The following DNA2 variants were observed in gnomAD, a reference collection of about 807,000 sequenced individuals.
The protein encoded by DNA2 is DNA replication ATP-dependent helicase/nuclease DNA2.
A neutral mutation model predicts 119.1 loss-of-function variants in DNA2; 101 were observed. The ratio of observed to expected loss-of-function variants is 0.85; its 90% CI spans 0.72 to 1.00. The LOEUF is 1.00. Ranked by LOEUF, DNA2 falls within the 50% of genes least tolerant of loss-of-function variation. The probability of loss-of-function intolerance (pLI) is 0.00; values close to 1 mark genes in which losing one functional copy is unlikely to be tolerated. For synonymous variants in DNA2, 366 were observed against 424.4 expected, an observed-to-expected ratio of 0.86 and a Z score of 1.69; for missense variants, 1,121 against 1,255.5, an observed-to-expected ratio of 0.89 and a Z score of 1.62.
At chr10:68,451,667 C>T (rs1167963865) in intron 5 of DNA2, among the ~76,000 whole-genome samples, 1 of 151,842 alleles carries the variant, frequency 6.6e-6, no homozygotes, top group Non-Finnish European at 1.5e-5. Context: ...TAGAATAATT[C>T]TAGTGGTTAG....
intron 2 of DNA2, among the ~76,000 whole-genome samples, chr10:68,469,390 C>CAAAAAA (rs71019005): frequency 1.6e-4 from 12 of 76,028 alleles, no homozygotes; most frequent in Non-Finnish European, 2.1e-4. Context: ...ACTAAAAATA[C>CAAAAAA]AAAAAAAAAA....
At chr10:68,429,271 G>A (rs893627450) in intron 14 of DNA2, among the ~76,000 whole-genome samples, 7 of 150,436 alleles carry the variant, frequency 4.7e-5, no homozygotes, top group Admixed American at 2.0e-4. Context: ...AAAGCCGGGC[G>A]CAGTAGTTCA....
At position 68,419,891 on chromosome 10, in the gene DNA2, A is replaced by G. The variant is rs2051642496; in HGVS notation, c.2699T>C (p.Val900Ala). 19 of 1,613,474 alleles carry G rather than the reference A, an allele frequency of 1.2e-5. No homozygotes were observed. Among genetic ancestry groups the G allele is most frequent in the Non-Finnish European group, 1.6e-5 (19 of 1,179,462 alleles). The part of the protein sequence containing the change: ...NPVCFLNTDK[V>A]PAPEQVEKGG... ...TTTTTCAACTTGTTCTGGCGCTGGA[A>G]CCTAAGTGGAAAAATATACAGCCTG... is the stretch of plus-strand genomic sequence containing the variant. The change falls in exon 18 of 21, where the codon GTT (valine) becomes GCT (alanine). Residue 900 changes from valine (V) to alanine (A), a missense_variant and splice_region_variant. Physicochemically the swap from Val to Ala is moderately conservative, Grantham distance 64. Coordinates refer to ENST00000358410, the MANE Select transcript of DNA2 (RefSeq NM_001080449.3).
intron 4 of DNA2, among the ~76,000 whole-genome samples, chr10:68,462,677 T>A (rs944223143): frequency 6.6e-6 from 1 of 152,276 alleles, no homozygotes; most frequent in South Asian, 2.1e-4. Context: ...TAGGTTTGAA[T>A]CCTAACTCTG....
rs1402149236 is a variant in DNA2, at chr10:68,443,067, A to C, written c.1265T>G (p.Met422Arg). The C allele has an allele frequency of 6.3e-7, 1 of 1,586,702 alleles. No individual in the cohort carries two copies. The highest frequency in any genetic ancestry group is 8.6e-7 in the Non-Finnish European group (1 of 1,165,090). ...GGTTTCTTCTTCTATTTTGGGCAGC[A>C]TCACAATTGGGACTGAACTACAATC... ...QMDCSSVPIV[M>R]LPKIEEETQH... is the part of the protein sequence containing the mutation. Residue 422 changes from methionine to arginine, a missense_variant, in exon 9 of 21, where the codon ATG becomes AGG. By Grantham distance (91) the Met-to-Arg change is moderately conservative (BLOSUM62 -1). Coordinates refer to ENST00000358410, the MANE Select transcript of DNA2 (RefSeq NM_001080449.3).
At chr10:68,419,619 C>T (rs2051639136) in intron 18 of DNA2, among the ~76,000 whole-genome samples, 184 bp downstream of exon 18, 1 of 152,166 alleles carries the variant, frequency 6.6e-6, no homozygotes. Context: ...TAAATGAAAA[C>T]TCCAAATGTC....
intron 5 of DNA2, among the ~76,000 whole-genome samples, chr10:68,452,434 G>C (rs2052131364): frequency 6.6e-6 from 1 of 152,030 alleles, no homozygotes; most frequent in African/African-American, 2.4e-5. Context: ...TGTGTATTCA[G>C]ATATGCTTTT....
intron 5 of DNA2, among the ~76,000 whole-genome samples, chr10:68,454,306 G>T (rs2052156650): frequency 1.3e-5 from 2 of 150,424 alleles, no homozygotes; most frequent in Admixed American, 1.3e-4. Context: ...ATTAACCCAG[G>T]ATTCTGAGAA....
Position 68,443,021 on chromosome 10 carries a change from G to A in DNA2, c.1311C>T (p.His437=). The change falls in exon 9 of 21, where the codon CAC becomes CAT. Residue 437 remains histidine, a synonymous_variant. Transcript: ENST00000358410. ...GACACCAAAGGCTGAAATATTCTAA[G>A]TGTGTTTGCTTCAGATGCTGGGTTT... The part of the protein sequence containing the change: ...EEETQHLKQT[H]LEYFSLWCLM... 1 of 1,608,886 alleles carries A rather than the reference G, an allele frequency of 6.2e-7. No individual in the cohort carries two copies. The highest frequency in any genetic ancestry group is 1.7e-4 in the Middle Eastern group (1 of 6,052).
At chr10:68,423,597 A>G (rs926037367) in intron 14 of DNA2, among the ~76,000 whole-genome samples, 3 of 152,220 alleles carry the variant, frequency 2.0e-5, no homozygotes, top group African/African-American at 7.2e-5. Context: ...AGACACCAGC[A>G]AACAGGGAGG....
chr10:68,447,503 G>A (rs949554508), intron 6 of DNA2, among the ~76,000 whole-genome samples: 3 of 136,402 alleles, frequency 2.2e-5, no homozygotes, highest in Admixed American at 7.4e-5. Flanking sequence ...GGGGACAGAA[G>A]GAGACTTCAC....
At chr10:68,472,070 T>TAG, upstream of DNA2, 1 of 1,586,840 alleles carries the variant, frequency 6.3e-7, no homozygotes, top group Non-Finnish European at 8.6e-7. Context: ...AGCAGGGCTC[T>TAG]GTCCCCTGCC....
At chr10:68,467,892 G>A (rs78554022) in intron 3 of DNA2, among the ~76,000 whole-genome samples, 5 of 151,942 alleles carry the variant, frequency 3.3e-5, no homozygotes, top group African/African-American at 9.7e-5. Context: ...AACAAGATTC[G>A]AAGGACTCAG....
intron 4 of DNA2, among the ~76,000 whole-genome samples, chr10:68,464,571 C>T (rs976309467): frequency 2.2e-4 from 33 of 150,904 alleles, no homozygotes; most frequent in African/African-American, 8.0e-4. Flanking sequence ...CAGTGGCTCA[C>T]GCCTGTAATC....
intron 9 of DNA2, among the ~76,000 whole-genome samples, chr10:68,441,703 C>G (rs914932268): frequency 3.3e-5 from 5 of 152,048 alleles, no homozygotes; most frequent in African/African-American, 9.7e-5. Context: ...TGAATCCAGA[C>G]AGCAGAGATT....
chr10:68,444,168 G>A lies in DNA2; in HGVS notation c.1220+753C>T, dbSNP rs1280724430. Among the ~76,000 whole-genome samples the A allele has an allele frequency of 3.3e-5, 5 of 151,802 alleles. 1 individual carries two copies. The highest frequency in any genetic ancestry group is 1.2e-4 in the African/African-American group (5 of 41,328). ...GCACTTTGGGAGGCCGAGGTGGGCGGATCACGAGGTCAAGAGATCGAGACC... is the reference window on the plus strand; with the variant it reads ...GCACTTTGGGAGGCCGAGGTGGGCGAATCACGAGGTCAAGAGATCGAGACC... On this transcript the variant is annotated intron_variant, in intron 8 of 20. Transcript: ENST00000358410.
chr10:68,432,843 G>A (rs2051840636), intron 10 of DNA2, among the ~76,000 whole-genome samples: 1 of 152,138 alleles, frequency 6.6e-6, no homozygotes, highest in Non-Finnish European at 1.5e-5. Context: ...CCTCTAACCT[G>A]GAGTGCAGGC....
At position 68,422,239 on chromosome 10, in the gene DNA2, G is replaced by A; in HGVS notation, c.2683C>T (p.Leu895Phe). 6.3e-7 allele frequency: 1 copy of A among 1,596,350 alleles called. No individual in the cohort carries two copies. The highest frequency in any genetic ancestry group is 8.5e-7 in the Non-Finnish European group (1 of 1,173,526). The change falls in exon 17 of 21, where the codon CTT becomes TTT. Residue 895 changes from leucine (L) to phenylalanine (F), a missense_variant. By Grantham distance (22) the Leu-to-Phe change is conservative (BLOSUM62 0). Transcript: ENST00000358410. ...TTTTTTTTTACCTTGTCTGTATTAA[G>A]GAAACAAACAGGATTGTTGGGTTCA... The part of the protein sequence containing the change: ...VFEPNNPVCF[L>F]NTDKVPAPEQ...
chr10:68,468,342 G>C, intron 2 of DNA2, 36 bp from the exon 3 acceptor site: 1 of 1,375,590 alleles, frequency 7.3e-7, no homozygotes, highest in South Asian at 2.1e-5. Context: ...TAAATACATA[G>C]CTTAGGTTCC....
Sources: allele counts gnomAD v4.1 joint callset (sites outside exome capture counted in the v4.1 genomes callset), GRCh38; gene constraint gnomAD v4.1.1; transcripts MANE v1.5; gene names NCBI Gene and HGNC (gene_info 2026-07-23, HGNC 2026-07-21).